PAM: variants seen among roughly 807,000 people sequenced by gnomAD.
The protein encoded by PAM is peptidylglycine alpha-amidating monooxygenase.
PAM carries 72 observed loss-of-function variants against 122.1 expected under a neutral mutation model. The ratio of observed to expected loss-of-function variants is 0.59; its 90% CI spans 0.49 to 0.72. The LOEUF (loss-of-function observed/expected upper bound fraction) is 0.72, where lower values mean the gene tolerates loss of function less well. Ranked by LOEUF, PAM falls within the 30% of genes least tolerant of loss-of-function variation. PAM has a pLI of 0.00. For synonymous variants in PAM, 389 were observed against 404.4 expected (o/e 0.96, Z 0.46); for missense variants, 1,106 against 1,183.7 (o/e 0.93, Z 0.96).
At chr5:102,854,604 G>A (rs1247618650) in intron 1 of PAM, among the ~76,000 whole-genome samples, 1 of 152,158 alleles carries the variant, frequency 6.6e-6, no homozygotes, top group East Asian at 1.9e-4. Context: ...TCTTTTTTAA[G>A]CTCTCATTTT....
intron 1 of PAM, among the ~76,000 whole-genome samples, chr5:102,794,473 G>C (rs1762848858): frequency 6.6e-6 from 1 of 152,072 alleles, no homozygotes; most frequent in South Asian, 2.1e-4. Flanking sequence ...CAGCAAAAAA[G>C]AAATTAGTAT....
intron 17 of PAM, among the ~76,000 whole-genome samples, chr5:103,003,941 T>A (rs930475620): frequency 6.6e-5 from 10 of 151,494 alleles, no homozygotes; most frequent in African/African-American, 2.2e-4. Context: ...TATTTCGAGA[T>A]GGCACTTGGC....
At chr5:102,896,805 T>C (rs935404220) in intron 3 of PAM, among the ~76,000 whole-genome samples, 1 of 151,708 alleles carries the variant, frequency 6.6e-6, no homozygotes, top group Non-Finnish European at 1.5e-5. Context: ...TTATCTGTTA[T>C]TAAGTGTCTT....
chr5:103,023,430 T>A (rs1023026928), intron 23 of PAM, among the ~76,000 whole-genome samples: 9 of 152,008 alleles, frequency 5.9e-5, no homozygotes, highest in African/African-American at 2.2e-4. Flanking sequence ...CATGATCTAT[T>A]TATTGCAATT....
At position 102,981,571 on chromosome 5, in the gene PAM, A is replaced by G. The variant is rs148177213; in HGVS notation, c.1483+7135A>G. 4.6e-5 allele frequency among the ~76,000 whole-genome samples: 7 copies of G among 152,348 alleles called. No individual in the cohort carries two copies. The East Asian group carries it at 1.4e-3, about 29-fold the overall frequency. ...GACTTTAATGCATTTATGAGGCCAT[A>G]CAGTAAGTAGGCCAGGCCCTGTGTG... On this transcript the variant is annotated intron_variant, in intron 15 of 25. Coordinates refer to ENST00000438793, the MANE Select transcript of PAM (RefSeq NM_001177306.2).
intron 7 of PAM, 107 bp downstream of exon 7, chr5:102,926,775 G>A: frequency 1.6e-6 from 1 of 631,884 alleles, no homozygotes; most frequent in East Asian, 2.9e-5. Flanking sequence ...CACACCCTCT[G>A]CCCACTAGGG....
At chr5:102,948,067 C>T (rs1757594415) in intron 8 of PAM, among the ~76,000 whole-genome samples, 1 of 152,084 alleles carries the variant, frequency 6.6e-6, no homozygotes, top group African/African-American at 2.4e-5. Context: ...ATCTGCTTTA[C>T]TCAAAGTTTA....
At chr5:102,892,530 T>C (rs1412526364) in intron 3 of PAM, among the ~76,000 whole-genome samples, 1 of 151,854 alleles carries the variant, frequency 6.6e-6, no homozygotes, top group African/African-American at 2.4e-5. Context: ...AGTATTATCT[T>C]TGTGATATGT....
intron 4 of PAM, among the ~76,000 whole-genome samples, chr5:102,912,687 C>T (rs1474373122): frequency 1.3e-5 from 2 of 151,994 alleles, no homozygotes; most frequent in Non-Finnish European, 2.9e-5. Flanking sequence ...TCTTCCATCC[C>T]TTGTGCTTAC....
rs189681931 is a variant in PAM at position 102,862,274 on chromosome 5, T to G, written c.-373-3549T>G. 3.4e-5 allele frequency among the ~76,000 whole-genome samples: 5 copies of G among 145,034 alleles called. No individual in the cohort carries two copies. The East Asian group carries it at 9.7e-4, about 28-fold the overall frequency. Reference sequence around the variant, plus strand: ...GCATTCTGGTTTTTGTAACTATAAGTTTTTTTTTCCACAAATCTCCTATTG... The same window carrying G: ...GCATTCTGGTTTTTGTAACTATAAGGTTTTTTTTCCACAAATCTCCTATTG... On this transcript the variant is annotated intron_variant, in intron 1 of 25. Transcript: ENST00000438793.
chr5:102,980,744 C>A (rs1322596825), intron 15 of PAM, among the ~76,000 whole-genome samples: 3 of 152,020 alleles, frequency 2.0e-5, no homozygotes. Flanking sequence ...AGAAAAAAAC[C>A]ATGAAGTTTT....
chr5:102,867,652 T>C (rs1398224177), intron 3 of PAM, among the ~76,000 whole-genome samples: 1 of 152,246 alleles, frequency 6.6e-6, no homozygotes, highest in Non-Finnish European at 1.5e-5. Flanking sequence ...ATTTACATTT[T>C]GAGATTCTCT....
At chr5:102,805,048 A>G (rs1039199228) in intron 1 of PAM, among the ~76,000 whole-genome samples, 48 of 145,818 alleles carry the variant, frequency 3.3e-4, no homozygotes, top group Non-Finnish European at 6.6e-4. Flanking sequence ...TCTGTTTCTT[A>G]TGAAAGGGAA....
intron 1 of PAM, among the ~76,000 whole-genome samples, chr5:102,807,828 C>A (rs1175965104): frequency 6.6e-6 from 1 of 152,132 alleles, no homozygotes; most frequent in East Asian, 1.9e-4. Flanking sequence ...TTGACCTGTG[C>A]CTTCGTCAGA....
chr5:103,011,359 C>T lies in PAM; in HGVS notation c.2331+1493C>T, dbSNP rs545228094. ...TAACCCCCCGCCACACACACATACA[C>T]ACACACACAAACACACACTCACACA... On this transcript the variant is annotated intron_variant, in intron 21 of 25. Coordinates refer to ENST00000438793, the MANE Select transcript of PAM (RefSeq NM_001177306.2). Among the ~76,000 whole-genome samples the T allele has an allele frequency of 2.4e-4, 36 of 148,668 alleles. 1 individual carries two copies. The South Asian group carries it at 7.4e-3, about 30-fold the overall frequency.
At chr5:102,908,453 C>T (rs1348730040) in intron 4 of PAM, among the ~76,000 whole-genome samples, 1 of 151,462 alleles carries the variant, frequency 6.6e-6, no homozygotes, top group African/African-American at 2.4e-5. Context: ...CTTGGCGATG[C>T]AGGCTCTTTT....
intron 3 of PAM, among the ~76,000 whole-genome samples, chr5:102,882,337 AAGCAGTGTAAAAGTTTTCCC>A (rs1423312588): frequency 6.6e-6 from 1 of 151,484 alleles, no homozygotes; most frequent in Non-Finnish European, 1.5e-5. Context: ...CATTCCTACC[AAGCAGTGTAAAAGTTTTCCC>A]TTTTTTACCA....
At chr5:102,874,342 C>T (rs547562525) in intron 3 of PAM, among the ~76,000 whole-genome samples, 18 of 152,174 alleles carry the variant, frequency 1.2e-4, no homozygotes, top group South Asian at 4.2e-4. Context: ...CTTTTGTAAA[C>T]GACAAATTAA....
At chr5:102,801,382 G>C (rs577737718) in intron 1 of PAM, among the ~76,000 whole-genome samples, 4 of 152,228 alleles carry the variant, frequency 2.6e-5, no homozygotes, top group East Asian at 3.9e-4. Context: ...TTTTATTCTA[G>C]GACATTTGGT....
Sources: gnomAD v4.1 joint callset for allele counts (sites outside exome capture counted in the v4.1 genomes callset) on GRCh38, gnomAD v4.1.1 for gene constraint, MANE v1.5 for transcripts, NCBI Gene and HGNC (gene_info 2026-07-23, HGNC 2026-07-21) for gene names.